GRID2: variants seen among roughly 807,000 people sequenced by gnomAD.
The protein encoded by GRID2 is glutamate ionotropic receptor delta type subunit 2.
In GRID2, 33 loss-of-function variants were observed where a neutral mutation model predicts 114.8. That is an observed-to-expected ratio of 0.29 (90% CI 0.22 to 0.38). The LOEUF (loss-of-function observed/expected upper bound fraction) is 0.38, where lower values mean the gene tolerates loss of function less well. Ranked by LOEUF, GRID2 falls within the 10% of genes least tolerant of loss-of-function variation. The pLI, the probability that GRID2 is intolerant of heterozygous loss-of-function variation, is 1.00. For synonymous variants in GRID2, 505 were observed against 449.9 expected (o/e 1.12, Z -1.55); for missense variants, 1,184 against 1,257.7 (o/e 0.94, Z 0.89).
chr4:93,107,153 G>T lies in GRID2; in HGVS notation c.530-3595G>T, dbSNP rs1194056071. On this transcript the variant is annotated intron_variant, in intron 3 of 15. Transcript: ENST00000282020. ...GTCTCTACCGAAAATACAAAAGTTA[G>T]CCTGGCATGGAGGTGTGCACCTGCA... Among the ~76,000 whole-genome samples, 4 of 152,096 alleles carry T rather than the reference G, an allele frequency of 2.6e-5. No individual in the cohort carries two copies. The East Asian group carries it at 7.8e-4, about 29-fold the overall frequency.
rs111938773 is a variant in GRID2 at position 93,102,049 on chromosome 4, T to TA, written c.530-8690dup. On this transcript the variant is annotated intron_variant, in intron 3 of 15. Coordinates refer to ENST00000282020, the MANE Select transcript of GRID2 (RefSeq NM_001510.4). ...TTATCAAAGTATCAGATGTTTGCTT[T>TA]AAAAAAAAATGTATTAATCAAGACC... is the stretch of plus-strand genomic sequence containing the variant. Among the ~76,000 whole-genome samples the TA allele has an allele frequency of 1.0e-3, 151 of 151,558 alleles. 1 individual carries two copies. Among genetic ancestry groups the TA allele is most frequent in the African/African-American group, 3.3e-3 (138 of 41,344 alleles).
At chr4:92,486,385 C>T (rs1263060662) in intron 1 of GRID2, among the ~76,000 whole-genome samples, 1 of 151,746 alleles carries the variant, frequency 6.6e-6, no homozygotes, top group Non-Finnish European at 1.5e-5. Context: ...TTTTTCCTTT[C>T]ATATACTCCT....
intron 2 of GRID2, among the ~76,000 whole-genome samples, chr4:92,641,832 G>C (rs774023164): frequency 3.3e-5 from 5 of 150,114 alleles, no homozygotes; most frequent in Non-Finnish European, 6.0e-5. Context: ...CCATTCTTAG[G>C]TCTATGTATG....
At chr4:92,718,183 G>C (rs1325317481) in intron 2 of GRID2, among the ~76,000 whole-genome samples, 1 of 151,886 alleles carries the variant, frequency 6.6e-6, no homozygotes, top group Admixed American at 6.6e-5. Flanking sequence ...TATTTTGCAA[G>C]AAAATATTCC....
intron 13 of GRID2, among the ~76,000 whole-genome samples, chr4:93,552,759 T>A (rs1247850625): frequency 1.3e-5 from 2 of 152,068 alleles, no homozygotes; most frequent in Non-Finnish European, 2.9e-5. Flanking sequence ...CTTTAGGTAT[T>A]TCTCCTAATG....
At chr4:93,666,659 G>A (rs1238511943) in intron 14 of GRID2, among the ~76,000 whole-genome samples, 1 of 151,966 alleles carries the variant, frequency 6.6e-6, no homozygotes, top group Non-Finnish European at 1.5e-5. Flanking sequence ...GTGTTGATAT[G>A]GTTTTTCTGC....
At chr4:92,760,167 A>G (rs1390876521) in intron 2 of GRID2, among the ~76,000 whole-genome samples, 1 of 138,736 alleles carries the variant, frequency 7.2e-6, no homozygotes, top group Admixed American at 7.8e-5. Context: ...TGAACCTGGG[A>G]GGCAGAGGCT....
chr4:92,848,499 C>G (rs756435828), intron 2 of GRID2, among the ~76,000 whole-genome samples: 1 of 151,890 alleles, frequency 6.6e-6, no homozygotes, highest in Non-Finnish European at 1.5e-5. Context: ...AAGCAACAAA[C>G]GATCATCATG....
At chr4:93,043,125 A>T (rs1725763050) in intron 2 of GRID2, among the ~76,000 whole-genome samples, 1 of 152,164 alleles carries the variant, frequency 6.6e-6, no homozygotes, top group Admixed American at 6.6e-5. Context: ...AGCATAAGAG[A>T]CTTGAGTATA....
intron 1 of GRID2, among the ~76,000 whole-genome samples, chr4:92,433,099 G>A (rs1732546313): frequency 6.6e-6 from 1 of 152,098 alleles, no homozygotes; most frequent in Non-Finnish European, 1.5e-5. Context: ...CTATTCAAAT[G>A]TGGCTGAGCT....
chr4:92,730,945 G>A (rs1006094242), intron 2 of GRID2, among the ~76,000 whole-genome samples: 6 of 151,920 alleles, frequency 3.9e-5, no homozygotes, highest in African/African-American at 1.4e-4. Flanking sequence ...TAGAATTACA[G>A]CATTTAAATC....
At chr4:93,622,170 G>T (rs1742271974) in intron 13 of GRID2, among the ~76,000 whole-genome samples, 3 of 152,144 alleles carry the variant, frequency 2.0e-5, no homozygotes, top group Admixed American at 6.6e-5. Flanking sequence ...CTATAAGCAG[G>T]TCTGCAAGTT....
chr4:92,690,200 T>TA (rs55671397), intron 2 of GRID2, among the ~76,000 whole-genome samples: 11,022 of 143,466 alleles, frequency 0.077, 432 homozygotes, highest in East Asian at 0.1. Flanking sequence ...ACTGAAAGTT[T>TA]AAAAAAAAAA....
At chr4:92,949,657 C>T (rs1751887962) in intron 2 of GRID2, among the ~76,000 whole-genome samples, 1 of 151,126 alleles carries the variant, frequency 6.6e-6, no homozygotes. Flanking sequence ...ATTTGGTAGG[C>T]TTTCAGTGGC....
intron 2 of GRID2, among the ~76,000 whole-genome samples, chr4:92,877,085 A>T (rs986421748): frequency 6.6e-5 from 10 of 152,286 alleles, no homozygotes; most frequent in Middle Eastern, 3.4e-3. Flanking sequence ...AAATTTTTTT[A>T]AAAAACTCTC....
At chr4:93,590,734 G>A (rs1456241671) in intron 13 of GRID2, among the ~76,000 whole-genome samples, 1 of 152,080 alleles carries the variant, frequency 6.6e-6, no homozygotes, top group Non-Finnish European at 1.5e-5. Flanking sequence ...ATTTCCGTGA[G>A]CAGCGGTTTG....
intron 13 of GRID2, among the ~76,000 whole-genome samples, chr4:93,540,822 C>G (rs144085571): frequency 2.0e-5 from 3 of 152,126 alleles, no homozygotes; most frequent in Non-Finnish European, 4.4e-5. Flanking sequence ...TTTATGAATG[C>G]TGTATTTATA....
At chr4:93,442,455 T>G (rs1721709107) in intron 10 of GRID2, among the ~76,000 whole-genome samples, 1 of 152,064 alleles carries the variant, frequency 6.6e-6, no homozygotes, top group Non-Finnish European at 1.5e-5. Flanking sequence ...GCTACTGTAA[T>G]TTATAACTGG....
intron 14 of GRID2, among the ~76,000 whole-genome samples, chr4:93,698,588 A>G (rs1482052699): frequency 6.6e-6 from 1 of 152,098 alleles, no homozygotes; most frequent in Non-Finnish European, 1.5e-5. Context: ...CTTCTTGATA[A>G]AGAAAAATTA....
Sources: allele counts gnomAD v4.1 joint callset (sites outside exome capture counted in the v4.1 genomes callset), GRCh38; gene constraint gnomAD v4.1.1; transcripts MANE v1.5; gene names NCBI Gene and HGNC (gene_info 2026-07-23, HGNC 2026-07-21).